The following COL25A1 variants were observed in gnomAD, a reference collection of about 807,000 sequenced individuals.
COL25A1 encodes the protein collagen alpha-1(XXV) chain.
Under a neutral mutation model 128.4 loss-of-function variants are expected in COL25A1, and 103 were observed. That is an observed-to-expected ratio of 0.80 (90% CI 0.68 to 0.94). The LOEUF (loss-of-function observed/expected upper bound fraction) is 0.94. Among genes scored for constraint, COL25A1 ranks in the 40% least tolerant of loss-of-function variants. COL25A1 has a pLI of 0.00. For synonymous variants in COL25A1, 279 were observed against 277.2 expected (o/e 1.01, Z -0.06); for missense variants, 745 against 840.0 (o/e 0.89, Z 1.40).
At chr4:109,101,576 G>C (rs898754054) in intron 3 of COL25A1, among the ~76,000 whole-genome samples, 1 of 152,182 alleles carries the variant, frequency 6.6e-6, no homozygotes, top group Non-Finnish European at 1.5e-5. Context: ...TCACTACTCT[G>C]TTTGCAGAAG....
chr4:108,913,100 A>G (rs1744432339), intron 13 of COL25A1, among the ~76,000 whole-genome samples: 1 of 151,982 alleles, frequency 6.6e-6, no homozygotes, highest in South Asian at 2.1e-4. Flanking sequence ...AACAATCCCT[A>G]TGACTCTGCA....
chr4:108,939,028 T>C (rs956814446), intron 10 of COL25A1, among the ~76,000 whole-genome samples: 5 of 152,206 alleles, frequency 3.3e-5, no homozygotes, highest in Non-Finnish European at 5.9e-5. Context: ...TAAAGAATGA[T>C]ATAATTTTGG....
intron 20 of COL25A1, among the ~76,000 whole-genome samples, chr4:108,866,114 T>C (rs1209500474): frequency 2.6e-5 from 4 of 152,158 alleles, no homozygotes; most frequent in Non-Finnish European, 5.9e-5. Flanking sequence ...AAATATTTGA[T>C]CAAAACATTG....
chr4:108,932,997 T>G (rs1007356448), intron 11 of COL25A1, among the ~76,000 whole-genome samples: 1 of 152,190 alleles, frequency 6.6e-6, no homozygotes, highest in Non-Finnish European at 1.5e-5. Context: ...CTGAACTTCT[T>G]GGAAACCCAA....
intron 3 of COL25A1, among the ~76,000 whole-genome samples, chr4:109,224,472 A>G (rs1778646989): frequency 6.6e-6 from 1 of 152,164 alleles, no homozygotes. Context: ...GAGTTTGTCT[A>G]TATTGTATTA....
intron 20 of COL25A1, among the ~76,000 whole-genome samples, chr4:108,865,164 A>G (rs1289075666): frequency 6.6e-6 from 1 of 152,126 alleles, no homozygotes; most frequent in Admixed American, 6.5e-5. Flanking sequence ...TAGAATTTCA[A>G]TCATCAAACA....
chr4:109,007,416 GATA>G lies in COL25A1; in HGVS notation c.438+2939_438+2941del, dbSNP rs1480548572. Reference sequence around the variant, plus strand: ...GTAGTAGATTTTGGAAAAATATTATGATAATGATGTAGGCATAAGAGGTAGGCC... The same window carrying G: ...GTAGTAGATTTTGGAAAAATATTATGATGATGTAGGCATAAGAGGTAGGCC... On this transcript the variant is annotated intron_variant, in intron 6 of 37. Transcript: ENST00000399132. Among the ~76,000 whole-genome samples the G allele has an allele frequency of 4.6e-5, 7 of 152,284 alleles. No homozygotes were observed. The South Asian group carries it at 6.2e-4, about 14-fold the overall frequency.
chr4:109,073,646 T>C (rs1262012011), intron 3 of COL25A1, among the ~76,000 whole-genome samples: 1 of 152,240 alleles, frequency 6.6e-6, no homozygotes, highest in Non-Finnish European at 1.5e-5. Flanking sequence ...CCTCTACTCA[T>C]TGTAGCAATA....
intron 8 of COL25A1, among the ~76,000 whole-genome samples, chr4:108,969,058 T>C (rs1340449566): frequency 6.6e-6 from 1 of 152,176 alleles, no homozygotes; most frequent in Non-Finnish European, 1.5e-5. Flanking sequence ...GTCAGCTGAA[T>C]AGGGACACTT....
chr4:109,096,006 G>C (rs113053445), intron 3 of COL25A1, among the ~76,000 whole-genome samples: 1 of 152,206 alleles, frequency 6.6e-6, no homozygotes, highest in Non-Finnish European at 1.5e-5. Flanking sequence ...TGAAGGGTTA[G>C]GAAACTGAAG....
At chr4:108,825,034 C>T (rs577410656) in intron 34 of COL25A1, among the ~76,000 whole-genome samples, 162 bp downstream of exon 34, 29 of 152,112 alleles carry the variant, frequency 1.9e-4, no homozygotes, top group African/African-American at 6.0e-4. Context: ...TTATCTCATG[C>T]AAACACTAGT....
chr4:109,269,867 C>A (rs1782073970), intron 3 of COL25A1, among the ~76,000 whole-genome samples: 1 of 152,118 alleles, frequency 6.6e-6, no homozygotes, highest in Non-Finnish European at 1.5e-5. Flanking sequence ...AAAGCTTATC[C>A]ACCATGATCA....
chr4:109,301,051 C>T (rs1311737741), intron 2 of COL25A1, among the ~76,000 whole-genome samples: 1 of 152,098 alleles, frequency 6.6e-6, no homozygotes, highest in Non-Finnish European at 1.5e-5. Context: ...GCAACTACTG[C>T]CAAATAGGCT....
intron 18 of COL25A1, among the ~76,000 whole-genome samples, 192 bp downstream of exon 18, chr4:108,889,029 A>G (rs1741141386): frequency 1.3e-5 from 2 of 152,242 alleles, no homozygotes; most frequent in Admixed American, 1.3e-4. Context: ...TTACATATAT[A>G]AAGTTTGTTT....
At chr4:108,942,168 T>C (rs1435002181) in intron 8 of COL25A1, 9 of 1,540,086 alleles carry the variant, frequency 5.8e-6, no homozygotes, top group Non-Finnish European at 7.9e-6. Context: ...CTTATGCTGA[T>C]TGCATTTCTG....
intron 3 of COL25A1, among the ~76,000 whole-genome samples, chr4:109,123,278 C>CA (rs1187771418): frequency 6.6e-6 from 1 of 151,716 alleles, no homozygotes; most frequent in African/African-American, 2.4e-5. Context: ...AATAAGGATC[C>CA]AATGCCAGTG....
chr4:109,297,985 TC>T (rs1725153454), intron 3 of COL25A1, among the ~76,000 whole-genome samples: 1 of 146,450 alleles, frequency 6.8e-6, no homozygotes, highest in African/African-American at 2.5e-5. Flanking sequence ...TCCGGAATTA[TC>T]CAGGTCCAAA....
At chr4:109,016,045 G>A (rs1170028256) in intron 5 of COL25A1, among the ~76,000 whole-genome samples, 1 of 152,136 alleles carries the variant, frequency 6.6e-6, no homozygotes, top group African/African-American at 2.4e-5. Flanking sequence ...GCACTTCTGG[G>A]GGCAGCTGCA....
rs189847087 is a variant in COL25A1, at chr4:109,285,521, C to T, written c.367+15062G>A. On this transcript the variant is annotated intron_variant, in intron 3 of 37. Coordinates refer to ENST00000399132, the MANE Select transcript of COL25A1 (RefSeq NM_198721.4). ...GATTCTAAAATACTAGCCAAGGCAG[C>T]GTTGTCCCTTGGAGACAACATTATG... Among the ~76,000 whole-genome samples, 41 of 152,276 alleles carry T rather than the reference C, an allele frequency of 2.7e-4. No homozygotes were observed. In the East Asian group the frequency reaches 4.8e-3, roughly 18 times the overall value.
Sources: allele counts gnomAD v4.1 joint callset (sites outside exome capture counted in the v4.1 genomes callset), GRCh38; gene constraint gnomAD v4.1.1; transcripts MANE v1.5; gene names NCBI Gene and HGNC (gene_info 2026-07-23, HGNC 2026-07-21).